Variants in WDPCP observed in about 807,000 individuals in gnomAD.
The protein encoded by WDPCP is WD repeat-containing and planar cell polarity effector protein fritz homolog.
Under a neutral mutation model 93.1 loss-of-function variants are expected in WDPCP, and 71 were observed. The observed-to-expected ratio is 0.76, with a 90% CI of 0.63 to 0.93. The LOEUF (loss-of-function observed/expected upper bound fraction) is 0.93. Among genes scored for constraint, WDPCP ranks in the 40% least tolerant of loss-of-function variants. WDPCP has a pLI of 0.00. For missense variants in WDPCP, 844 were observed against 887.4 expected, an observed-to-expected ratio of 0.95 and a Z score of 0.62; for synonymous variants, 315 against 315.0, an observed-to-expected ratio of 1.00 and a Z score of 0.00.
chr2:63,370,647 T>A (rs1691302696), intron 12 of WDPCP, among the ~76,000 whole-genome samples: 1 of 152,192 alleles, frequency 6.6e-6, no homozygotes. Context: ...GACTGTAGTT[T>A]ACTTTATAGG....
chr2:63,560,864 G>A (rs977667302), intron 1 of WDPCP, among the ~76,000 whole-genome samples: 3 of 152,158 alleles, frequency 2.0e-5, no homozygotes, highest in Non-Finnish European at 4.4e-5. Flanking sequence ...CATAGCATTA[G>A]GAGAAATACC....
At position 63,685,370 on chromosome 2, in the gene WDPCP, C is replaced by T. The variant is rs373464652; in HGVS notation, n.309-34532G>A. ...GAAATATAAGAGAAATGGACAAATTCCTAGACATGTACAACCTATCAAGAT... is the reference window on the plus strand; with the variant it reads ...GAAATATAAGAGAAATGGACAAATTTCTAGACATGTACAACCTATCAAGAT... On this transcript the variant is annotated intron_variant and non_coding_transcript_variant, in intron 2 of 4. Transcript: ENST00000467687. 2.0e-5 allele frequency among the ~76,000 whole-genome samples: 3 copies of T among 152,228 alleles called. No individual in the cohort carries two copies. The South Asian group carries it at 6.2e-4, about 32-fold the overall frequency.
At chr2:63,591,672 T>A (rs1047438409), upstream of WDPCP, among the ~76,000 whole-genome samples, 1 of 152,216 alleles carries the variant, frequency 6.6e-6, no homozygotes, top group Admixed American at 6.5e-5. Context: ...CCTTCCTTCA[T>A]TCAACAAATA....
intron 2 of WDPCP, among the ~76,000 whole-genome samples, chr2:63,778,464 C>A (rs188008882): frequency 6.6e-6 from 1 of 152,166 alleles, no homozygotes; most frequent in Non-Finnish European, 1.5e-5. Flanking sequence ...ACCTTAGTCT[C>A]CCAAAGTGCT....
chr2:63,260,441 G>A (rs1048294631), intron 13 of WDPCP, among the ~76,000 whole-genome samples: 8 of 152,210 alleles, frequency 5.3e-5, no homozygotes, highest in Non-Finnish European at 1.2e-4. Context: ...GCTGAAAAAT[G>A]TAATTTCAAA....
chr2:63,235,616 C>G (rs1197596041), intron 14 of WDPCP, among the ~76,000 whole-genome samples: 1 of 152,048 alleles, frequency 6.6e-6, no homozygotes, highest in African/African-American at 2.4e-5. Flanking sequence ...TCTAACACAT[C>G]AAATCCAGCA....
rs910369516 is a variant in WDPCP, at chr2:63,486,400, T to C, written c.253+142A>G. On this transcript the variant is annotated intron_variant, in intron 4 of 17. Coordinates refer to ENST00000272321, the MANE Select transcript of WDPCP (RefSeq NM_015910.7). The stretch of plus-strand genomic sequence containing the variant: ...AGAAAGGCCTGACAAATACAATTGT[T>C]ACTTATATGTTTATATTCCTAAGTA... 26 of 655,908 alleles carry C rather than the reference T, an allele frequency of 4.0e-5. 1 individual carries two copies. The South Asian group carries it at 5.0e-4, about 13-fold the overall frequency. 40.6% of individuals were successfully genotyped at this position (655,908 alleles called of 1,614,324 possible). A position where few individuals can be genotyped will look rare whatever the true frequency, so the allele number is the denominator to read the frequency against.
intron 3 of WDPCP, among the ~76,000 whole-genome samples, chr2:63,648,812 C>T (rs1710079814): frequency 6.6e-6 from 1 of 152,192 alleles, no homozygotes; most frequent in South Asian, 2.1e-4. Context: ...AGAATGACTA[C>T]CTTCTTCCTT....
At chr2:63,277,704 C>T (rs972431434) in intron 13 of WDPCP, among the ~76,000 whole-genome samples, 2 of 152,144 alleles carry the variant, frequency 1.3e-5, no homozygotes, top group Middle Eastern at 3.4e-3. Flanking sequence ...AGGAAAATAC[C>T]ACAATCTTAA....
At chr2:63,496,667 T>C (rs1206885831) in intron 1 of WDPCP, among the ~76,000 whole-genome samples, 3 of 152,094 alleles carry the variant, frequency 2.0e-5, no homozygotes, top group Non-Finnish European at 4.4e-5. Flanking sequence ...CTGAGAAAAA[T>C]GTACAAGGTA....
At chr2:63,763,129 T>C (rs1012395216) in intron 2 of WDPCP, among the ~76,000 whole-genome samples, 1 of 152,154 alleles carries the variant, frequency 6.6e-6, no homozygotes, top group African/African-American at 2.4e-5. Context: ...CCATACTTAT[T>C]TGAGTTGGGG....
intron 12 of WDPCP, among the ~76,000 whole-genome samples, chr2:63,337,704 A>G (rs528919530): frequency 2.3e-4 from 35 of 152,266 alleles, no homozygotes; most frequent in Admixed American, 2.3e-3. Flanking sequence ...TTTAACTGGG[A>G]TAAGATGATA....
chr2:63,684,417 TA>T, intron 2 of WDPCP: 1 of 836,104 alleles, frequency 1.2e-6, no homozygotes, highest in Non-Finnish European at 2.1e-6. Flanking sequence ...AGATCGCCCC[TA>T]CAGCCACCTC....
intron 1 of WDPCP, among the ~76,000 whole-genome samples, chr2:63,497,394 A>G (rs1002113357): frequency 1.3e-5 from 2 of 152,176 alleles, no homozygotes; most frequent in African/African-American, 2.4e-5. Flanking sequence ...GGATTCCCCA[A>G]GATCTGTGTG....
At chr2:63,346,696 G>A (rs1689218680) in intron 12 of WDPCP, among the ~76,000 whole-genome samples, 1 of 152,128 alleles carries the variant, frequency 6.6e-6, no homozygotes, top group African/African-American at 2.4e-5. Context: ...GTAGATTTAT[G>A]GAGCTCTTTC....
intron 14 of WDPCP, among the ~76,000 whole-genome samples, chr2:63,184,315 T>C (rs1032402668): frequency 3.9e-5 from 6 of 152,160 alleles, no homozygotes; most frequent in Non-Finnish European, 5.9e-5. Context: ...ATAAGACCTG[T>C]GAGTTTTATA....
At chr2:63,153,647 G>A in intron 15 of WDPCP, 73 bp from the exon 16 acceptor site, 1 of 996,500 alleles carries the variant, frequency 1.0e-6, no homozygotes, top group Non-Finnish European at 1.5e-6. Flanking sequence ...ATAAGTTATA[G>A]ATTTTAAAGT....
chr2:63,585,670 T>C (rs1359404887), intron 1 of WDPCP, among the ~76,000 whole-genome samples: 2 of 152,114 alleles, frequency 1.3e-5, no homozygotes, highest in African/African-American at 4.8e-5. Context: ...ATTACATTGT[T>C]ACTTTCAACA....
intron 12 of WDPCP, among the ~76,000 whole-genome samples, chr2:63,326,303 G>A (rs1687533172): frequency 6.6e-6 from 1 of 152,172 alleles, no homozygotes. Flanking sequence ...ATGATCTCTT[G>A]GAGGTCCCCT....
Sources: allele counts gnomAD v4.1 joint callset (sites outside exome capture counted in the v4.1 genomes callset), GRCh38; gene constraint gnomAD v4.1.1; transcripts MANE v1.5; gene names NCBI Gene and HGNC (gene_info 2026-07-23, HGNC 2026-07-21).